FAM227B: variants seen among roughly 807,000 people sequenced by gnomAD.
FAM227B encodes the protein family with sequence similarity 227 member B, also known as protein FAM227B.
FAM227B carries 88 observed loss-of-function variants against 73.8 expected under a neutral mutation model. The ratio of observed to expected loss-of-function variants is 1.19; its 90% confidence interval spans 1.00 to 1.42. FAM227B has a LOEUF of 1.42. Among genes scored for constraint, FAM227B ranks in the 40% most tolerant of loss-of-function variants. The pLI is 0.00. For synonymous variants in FAM227B, 210 were observed against 190.5 expected, an observed-to-expected ratio of 1.10 and a Z score of -0.84; for missense variants, 632 against 590.9, an observed-to-expected ratio of 1.07 and a Z score of -0.72.
At chr15:49,351,938 CTAATT>C (rs1428188410) in intron 13 of FAM227B, among the ~76,000 whole-genome samples, 2 of 152,182 alleles carry the variant, frequency 1.3e-5, no homozygotes, top group Admixed American at 6.5e-5. Context: ...TAAAGCAACT[CTAATT>C]TATATTATTA....
chr15:49,404,198 A>G (rs749545397), intron 11 of FAM227B, among the ~76,000 whole-genome samples: 1 of 152,148 alleles, frequency 6.6e-6, no homozygotes, highest in Non-Finnish European at 1.5e-5. Flanking sequence ...TCAATTTTAG[A>G]GTATATACCA....
chr15:49,489,130 T>A, intron 11 of FAM227B: 3 of 336,034 alleles, frequency 8.9e-6, no homozygotes, highest in Non-Finnish European at 1.3e-5. Flanking sequence ...TACCTCTGCC[T>A]ACACTCATGA....
At chr15:49,543,722 G>A (rs1035333000) in intron 9 of FAM227B, among the ~76,000 whole-genome samples, 8 of 152,220 alleles carry the variant, frequency 5.3e-5, no homozygotes, top group South Asian at 2.1e-4. Context: ...CATGTGGTTT[G>A]CCAATTATCC....
At chr15:49,590,145 A>C (rs984203502) in intron 3 of FAM227B, 138 bp from the exon 4 acceptor site, 2 of 587,444 alleles carry the variant, frequency 3.4e-6, no homozygotes, top group African/African-American at 3.8e-5. Flanking sequence ...AATTTGAAAC[A>C]ATCACAAACG....
chr15:49,539,047 G>C (rs2070685071), intron 10 of FAM227B, among the ~76,000 whole-genome samples: 1 of 152,066 alleles, frequency 6.6e-6, no homozygotes, highest in African/African-American at 2.4e-5. Flanking sequence ...ACATTTGATG[G>C]TGCAGTCACC....
intron 13 of FAM227B, among the ~76,000 whole-genome samples, chr15:49,340,394 C>T (rs2040496622): frequency 7.6e-6 from 1 of 130,970 alleles, no homozygotes; most frequent in Non-Finnish European, 1.7e-5. Flanking sequence ...CTGGGTGAGG[C>T]AGTGCCCCGC....
intron 10 of FAM227B, among the ~76,000 whole-genome samples, chr15:49,511,848 C>G (rs528397076): frequency 2.0e-5 from 3 of 152,210 alleles, no homozygotes; most frequent in Admixed American, 6.6e-5. Flanking sequence ...TTTATCCAGC[C>G]TATTACTGAT....
At chr15:49,467,069 A>C (rs1335423069) in intron 11 of FAM227B, among the ~76,000 whole-genome samples, 1 of 152,156 alleles carries the variant, frequency 6.6e-6, no homozygotes, top group East Asian at 1.9e-4. Context: ...ACATTTAGAC[A>C]CAAGTTAAAG....
intron 9 of FAM227B, among the ~76,000 whole-genome samples, chr15:49,546,506 T>C (rs1362547009): frequency 6.6e-6 from 1 of 152,220 alleles, no homozygotes; most frequent in Non-Finnish European, 1.5e-5. Context: ...ATGGTATTTC[T>C]AGTTCTAGAT....
At chr15:49,464,538 G>A (rs2054092753) in intron 11 of FAM227B, among the ~76,000 whole-genome samples, 1 of 152,044 alleles carries the variant, frequency 6.6e-6, no homozygotes, top group Non-Finnish European at 1.5e-5. Context: ...TTATATATAG[G>A]TAGGCAAAAA....
rs1011254560 is a variant in FAM227B at position 49,475,644 on chromosome 15, TA to T, written c.1012+32566del. ...TTCATAACATCTAAAAACAATTTGA[TA>T]TTTTTTTTACTTTGTAACAATTCCC... On this transcript the variant is annotated intron_variant, in intron 11 of 15. Coordinates refer to ENST00000299338, the MANE Select transcript of FAM227B (RefSeq NM_152647.3). Among the ~76,000 whole-genome samples, 47 of 152,328 alleles carry T rather than the reference TA, an allele frequency of 3.1e-4. 1 individual carries two copies. Among genetic ancestry groups the T allele is most frequent in the Middle Eastern group, 3.4e-3 (1 of 294 alleles).
At chr15:49,540,177 T>C (rs1300363797) in intron 10 of FAM227B, among the ~76,000 whole-genome samples, 2 of 152,168 alleles carry the variant, frequency 1.3e-5, no homozygotes, top group Non-Finnish European at 2.9e-5. Context: ...GGATGAACAC[T>C]AAGGGGACAT....
intron 3 of FAM227B, among the ~76,000 whole-genome samples, chr15:49,599,379 T>C (rs537030179): frequency 1.5e-4 from 23 of 152,114 alleles, no homozygotes; most frequent in Middle Eastern, 3.4e-3. Context: ...GTTAATCTTT[T>C]CAGAAAACAC....
chr15:49,362,660 A>G (rs1457530332), intron 13 of FAM227B, among the ~76,000 whole-genome samples: 1 of 152,054 alleles, frequency 6.6e-6, no homozygotes, highest in East Asian at 1.9e-4. Flanking sequence ...TTTTTCTTGC[A>G]ATTGCTTTTG....
intron 11 of FAM227B, among the ~76,000 whole-genome samples, chr15:49,465,209 A>G (rs1314859608): frequency 1.3e-5 from 2 of 152,078 alleles, no homozygotes; most frequent in Non-Finnish European, 1.5e-5. Context: ...AACTCACTGC[A>G]ACCTCTGCCT....
chr15:49,588,107 G>GTA, intron 4 of FAM227B, 24 bp from the exon 5 acceptor site: 1 of 1,308,996 alleles, frequency 7.6e-7, no homozygotes, highest in Non-Finnish European at 1.0e-6. Flanking sequence ...AGAATTCACA[G>GTA]TATATATATT....
At chr15:49,533,946 T>C (rs1364810047) in intron 10 of FAM227B, among the ~76,000 whole-genome samples, 1 of 151,898 alleles carries the variant, frequency 6.6e-6, no homozygotes, top group Non-Finnish European at 1.5e-5. Flanking sequence ...CTTTGCTCAT[T>C]TATTACTTTC....
At chr15:49,383,353 C>A (rs904505889) in intron 11 of FAM227B, among the ~76,000 whole-genome samples, 8 of 152,010 alleles carry the variant, frequency 5.3e-5, no homozygotes, top group African/African-American at 1.9e-4. Context: ...CCTGTGTTCA[C>A]TTCCTGTCTC....
chr15:49,355,491 C>T (rs937671169), intron 13 of FAM227B, among the ~76,000 whole-genome samples: 12 of 151,730 alleles, frequency 7.9e-5, no homozygotes, highest in Non-Finnish European at 1.2e-4. Flanking sequence ...AGGGTATCAG[C>T]GATGGAAGAT....
Sources: allele counts gnomAD v4.1 joint callset (sites outside exome capture counted in the v4.1 genomes callset), GRCh38; gene constraint gnomAD v4.1.1; transcripts MANE v1.5; gene names NCBI Gene and HGNC (gene_info 2026-07-23, HGNC 2026-07-21).